Variants in IMPA2 observed in about 807,000 individuals in gnomAD.
IMPA2 encodes the protein IMP 2.
IMPA2 carries 32 observed loss-of-function variants against 35.1 expected under a neutral mutation model. That is an observed-to-expected ratio of 0.91 (90% CI 0.69 to 1.23). The LOEUF is 1.23. Among genes scored for constraint, IMPA2 ranks in the 50% most tolerant of loss-of-function variants. The probability of loss-of-function intolerance (pLI) is 0.00; values close to 1 mark genes in which losing one functional copy is unlikely to be tolerated. For synonymous variants in IMPA2, 135 were observed against 160.6 expected (o/e 0.84, Z 1.20); for missense variants, 334 against 387.6 (o/e 0.86, Z 1.16).
intron 5 of IMPA2, among the ~76,000 whole-genome samples, chr18:12,027,332 A>G (rs1907907669): frequency 6.6e-6 from 1 of 152,162 alleles, no homozygotes; most frequent in Non-Finnish European, 1.5e-5. Flanking sequence ...CTGCTGTTAC[A>G]TAAACGGCAG....
chr18:11,995,325 T>G (rs1674852764), intron 1 of IMPA2, among the ~76,000 whole-genome samples: 1 of 152,336 alleles, frequency 6.6e-6, no homozygotes. Flanking sequence ...GGCAGTATCC[T>G]TTTGAGGATG....
At chr18:12,021,607 C>T (rs753434580) in intron 5 of IMPA2, 3 of 151,972 alleles carry the variant, frequency 2.0e-5, no homozygotes, top group Non-Finnish European at 4.4e-5. Flanking sequence ...ACCCTCTGCT[C>T]CTGGGCTCAA....
chr18:12,028,602 A>C (rs1377589198), intron 6 of IMPA2: 2 of 537,874 alleles, frequency 3.7e-6, no homozygotes, highest in Admixed American at 3.3e-5. Context: ...GCTGCATCTC[A>C]GGTGCTCAGT....
At chr18:11,988,165 C>G (rs888041691) in intron 1 of IMPA2, among the ~76,000 whole-genome samples, 2 of 152,026 alleles carry the variant, frequency 1.3e-5, no homozygotes, top group African/African-American at 4.8e-5. Flanking sequence ...GCCACCACGC[C>G]TGGCTAATTT....
chr18:12,009,913 G>A lies in IMPA2; in HGVS notation c.261G>A (p.Gly87=). ...RFIAEEAAAS[G]AKCVLTHSPT... is the part of the protein sequence containing the mutation. Reference sequence around the variant, plus strand: ...TTGCAGAAGAGGCCGCGGCTTCTGGGGCCAAGTGTGTGCTCACCCACAGCC... The same window carrying A: ...TTGCAGAAGAGGCCGCGGCTTCTGGAGCCAAGTGTGTGCTCACCCACAGCC... Residue 87 remains glycine, a synonymous_variant, in exon 3 of 8, where the codon GGG becomes GGA. Transcript: ENST00000269159. 1 of 1,614,092 alleles carries A rather than the reference G, an allele frequency of 6.2e-7. No individual in the cohort carries two copies. Among genetic ancestry groups the A allele is most frequent in the South Asian group, 1.1e-5 (1 of 91,080 alleles).
intron 5 of IMPA2, among the ~76,000 whole-genome samples, 154 bp from the exon 6 acceptor site, chr18:12,027,889 A>C (rs1187502076): frequency 6.6e-6 from 1 of 151,878 alleles, no homozygotes; most frequent in Non-Finnish European, 1.5e-5. Context: ...GTCCATCCTT[A>C]GTTTTCAACA....
intron 1 of IMPA2, 52 bp from the exon 2 acceptor site, chr18:11,999,002 C>G: frequency 4.2e-6 from 6 of 1,433,012 alleles, no homozygotes; most frequent in Non-Finnish European, 5.6e-6. Context: ...ATTCCTTTGC[C>G]TGGGAGGAGG....
In IMPA2 at chr18:11,999,205, G is replaced by A. The variant is rs201336998; in HGVS notation, c.230+18G>A. 7.6e-5 allele frequency: 122 copies of A among 1,609,508 alleles called. 1 individual carries two copies. The highest frequency in any genetic ancestry group is 2.0e-4 in the Admixed American group (12 of 59,352). On this transcript the variant is annotated intron_variant, in intron 2 of 7. Transcript: ENST00000269159. ...TCACACAGGTAGGTGTACTCCTCTG[G>A]GAAACACCCCCAGTAACCCTGGCCA...
At chr18:11,988,080 A>G (rs1906716769) in intron 1 of IMPA2, among the ~76,000 whole-genome samples, 1 of 133,252 alleles carries the variant, frequency 7.5e-6, no homozygotes, top group Non-Finnish European at 1.5e-5. Flanking sequence ...ATCTCAGCTC[A>G]CTGCAACCTC....
intron 5 of IMPA2, among the ~76,000 whole-genome samples, chr18:12,023,695 A>G (rs1014755614): frequency 1.8e-4 from 28 of 152,142 alleles, no homozygotes; most frequent in Non-Finnish European, 7.3e-5. Context: ...CTGGGGAGAA[A>G]TCTTCAGTGT....
chr18:11,999,744 CCTGT>C (rs1907066101), intron 2 of IMPA2, among the ~76,000 whole-genome samples: 1 of 152,388 alleles, frequency 6.6e-6, no homozygotes, highest in Admixed American at 6.5e-5. Context: ...CTGCAAGAGG[CCTGT>C]ATGAGCACCT....
chr18:12,005,126 C>G (rs955977668), intron 2 of IMPA2, among the ~76,000 whole-genome samples: 7 of 152,206 alleles, frequency 4.6e-5, no homozygotes, highest in Admixed American at 2.0e-4. Flanking sequence ...AGTGCAGAAG[C>G]CTGCTCCCTG....
intron 6 of IMPA2, 83 bp from the exon 7 acceptor site, chr18:12,028,759 G>A (rs180778577): frequency 3.2e-4 from 461 of 1,453,942 alleles, no homozygotes; most frequent in Middle Eastern, 1.2e-3. Context: ...ATGCCCAGCC[G>A]GGGTACCTGG....
intron 1 of IMPA2, among the ~76,000 whole-genome samples, chr18:11,982,847 G>T (rs926042171): frequency 6.6e-6 from 1 of 151,730 alleles, no homozygotes; most frequent in Non-Finnish European, 1.5e-5. Flanking sequence ...CAGGAGGTGT[G>T]CTGAGAGCAG....
At chr18:12,012,366 A>G in intron 4 of IMPA2, 151 bp downstream of exon 4, 1 of 707,532 alleles carries the variant, frequency 1.4e-6, no homozygotes. Context: ...TTCAAATCCG[A>G]GAAAATAAAC....
rs1289184110 is a variant in IMPA2 at position 11,991,850 on chromosome 18, T to TC, written c.97-7204_97-7203insC. Among the ~76,000 whole-genome samples, 1 of 151,806 alleles carries TC rather than the reference T, an allele frequency of 6.6e-6. No individual in the cohort carries two copies. Among genetic ancestry groups the TC allele is most frequent in the Admixed American group, 6.6e-5 (1 of 15,246 alleles). On this transcript the variant is annotated intron_variant, in intron 1 of 7. Transcript: ENST00000269159. This position sits in a 1 kb window ranked among gnomAD's most constrained non-coding sequence, Gnocchi z 4.1. ...CTCGCAGAAACACCCAGAACAATTT[T>TC]TTTTTTTTTTTGAGATGGAGCCTTG... is the stretch of plus-strand genomic sequence containing the variant.
intron 1 of IMPA2, among the ~76,000 whole-genome samples, chr18:11,990,565 G>A (rs1432483672): frequency 6.6e-6 from 1 of 152,212 alleles, no homozygotes; most frequent in Non-Finnish European, 1.5e-5. Context: ...AGAATTGCAG[G>A]TGGGTGTCCT....
At chr18:11,983,554 A>G (rs1367338356) in intron 1 of IMPA2, among the ~76,000 whole-genome samples, 5 of 152,230 alleles carry the variant, frequency 3.3e-5, no homozygotes, top group African/African-American at 4.8e-5. Context: ...TAGAGCAGGA[A>G]CAGTTCTAAG....
At position 12,009,941 on chromosome 18, in the gene IMPA2, A is replaced by G; in HGVS notation, c.289A>G (p.Thr97Ala). 6.2e-7 allele frequency: 1 copy of G among 1,614,176 alleles called. No homozygotes were observed. Among genetic ancestry groups the G allele is most frequent in the Non-Finnish European group, 8.5e-7 (1 of 1,180,042 alleles). Residue 97 changes from threonine (T) to alanine (A), a missense_variant, in exon 3 of 8, where the codon ACG becomes GCG. Coordinates refer to ENST00000269159, the MANE Select transcript of IMPA2 (RefSeq NM_014214.3). ...CAAGTGTGTGCTCACCCACAGCCCG[A>G]CGTGGATCATCGACCCCATCGACGG... ...GAKCVLTHSP[T>A]WIIDPIDGTC...
Sources: allele counts gnomAD v4.1 joint callset (sites outside exome capture counted in the v4.1 genomes callset), GRCh38; gene constraint gnomAD v4.1.1; non-coding constraint Gnocchi (gnomAD v3.1); transcripts MANE v1.5; gene names NCBI Gene and HGNC (gene_info 2026-07-23, HGNC 2026-07-21).